The following DAB1 variants were observed in gnomAD, a reference collection of about 807,000 sequenced individuals.
The protein encoded by DAB1 is disabled homolog 1.
Under a neutral mutation model 64.6 loss-of-function variants are expected in DAB1, and 15 were observed. That is an observed-to-expected ratio of 0.23 (90% CI 0.16 to 0.36). The LOEUF is 0.36. Ranked by LOEUF, DAB1 falls within the 10% of genes least tolerant of loss-of-function variation. The pLI is 1.00. For synonymous variants in DAB1, 235 were observed against 251.9 expected (o/e 0.93, Z 0.64); for missense variants, 596 against 706.7 (o/e 0.84, Z 1.78).
At chr1:58,390,322 G>A (rs909680688) in intron 3 of DAB1, among the ~76,000 whole-genome samples, 1 of 151,904 alleles carries the variant, frequency 6.6e-6, no homozygotes, top group African/African-American at 2.4e-5. Context: ...CTTATTACCA[G>A]GATCATGTCC....
At chr1:58,294,856 G>C (rs866135786) in intron 4 of DAB1, among the ~76,000 whole-genome samples, 12 of 137,744 alleles carry the variant, frequency 8.7e-5, no homozygotes, top group African/African-American at 3.0e-4. Flanking sequence ...TGGCATGCTT[G>C]GTCCAGAACG....
At chr1:57,724,308 GAGGGAGGGAGGA>G (rs1012736790) in intron 6 of DAB1, among the ~76,000 whole-genome samples, 9 of 137,454 alleles carry the variant, frequency 6.5e-5, no homozygotes, top group African/African-American at 2.5e-4. Context: ...GGAAGGGAGG[GAGGGAGGGAGGA>G]AGGAAGGAAG....
chr1:57,333,373 C>T (rs755167130), intron 1 of DAB1, among the ~76,000 whole-genome samples: 1 of 152,236 alleles, frequency 6.6e-6, no homozygotes, highest in East Asian at 1.9e-4. Flanking sequence ...GCATCCTCAT[C>T]TCCGACAGGA....
At chr1:57,375,298 C>T (rs572142662) in intron 1 of DAB1, among the ~76,000 whole-genome samples, 1 of 152,204 alleles carries the variant, frequency 6.6e-6, no homozygotes, top group Non-Finnish European at 1.5e-5. Context: ...CACAACAATC[C>T]CAAGTCAGAG....
chr1:58,196,719 T>A (rs71511468), intron 4 of DAB1, among the ~76,000 whole-genome samples: 3 of 152,144 alleles, frequency 2.0e-5, no homozygotes, highest in Non-Finnish European at 4.4e-5. Context: ...AACTGCCACT[T>A]ATAAACCATC....
intron 1 of DAB1, among the ~76,000 whole-genome samples, chr1:57,343,693 C>A (rs995312459): frequency 6.7e-6 from 1 of 149,778 alleles, no homozygotes; most frequent in Admixed American, 6.6e-5. Flanking sequence ...GCCGGCCGGC[C>A]GCTCCAAGTG....
At chr1:57,530,988 A>C (rs2101415317) in intron 7 of DAB1, among the ~76,000 whole-genome samples, 1 of 152,228 alleles carries the variant, frequency 6.6e-6, no homozygotes, top group African/African-American at 2.4e-5. Flanking sequence ...GTCACTCCAA[A>C]CCCAGTCAGT....
At position 57,198,279 on chromosome 1, in the gene DAB1, G is replaced by A. The variant is rs143439702; in HGVS notation, c.68-52850C>T. ...ATCACCCACGCTGTGACAGAGTAAGGCATGCAGGCTTAAAGGAATGGTGCT... is the reference window on the plus strand; with the variant it reads ...ATCACCCACGCTGTGACAGAGTAAGACATGCAGGCTTAAAGGAATGGTGCT... On this transcript the variant is annotated intron_variant, in intron 2 of 14. Transcript: ENST00000371236. Among the ~76,000 whole-genome samples the A allele has an allele frequency of 5.3e-5, 8 of 152,068 alleles. No individual in the cohort carries two copies. In the East Asian group the frequency reaches 1.6e-3, roughly 30 times the overall value.
chr1:57,575,731 C>A, intron 7 of DAB1, among the ~76,000 whole-genome samples: 1 of 152,102 alleles, frequency 6.6e-6, no homozygotes, highest in East Asian at 1.9e-4. Flanking sequence ...ATGTTTATTT[C>A]CTTAGCCAGG....
chr1:58,097,372 T>A (rs963688129), intron 5 of DAB1, among the ~76,000 whole-genome samples: 1 of 152,190 alleles, frequency 6.6e-6, no homozygotes, highest in Non-Finnish European at 1.5e-5. Flanking sequence ...GGAGCTTCCA[T>A]CTAATGGGAA....
At chr1:57,463,782 C>G (rs1016257334) in intron 7 of DAB1, among the ~76,000 whole-genome samples, 5 of 152,028 alleles carry the variant, frequency 3.3e-5, no homozygotes, top group African/African-American at 9.7e-5. Flanking sequence ...TTCATTCATT[C>G]ATGAAACATT....
chr1:57,195,234 G>A (rs1239975054), intron 2 of DAB1, among the ~76,000 whole-genome samples: 1 of 152,028 alleles, frequency 6.6e-6, no homozygotes, highest in Non-Finnish European at 1.5e-5. Flanking sequence ...GATCCACTGG[G>A]CTAACACAGC....
chr1:57,952,944 T>TC (rs1645309507), intron 5 of DAB1, among the ~76,000 whole-genome samples: 1 of 152,190 alleles, frequency 6.6e-6, no homozygotes, highest in Admixed American at 6.5e-5. Flanking sequence ...TAATCACTTT[T>TC]CCCTATTGTT....
intron 7 of DAB1, among the ~76,000 whole-genome samples, chr1:57,638,782 T>G (rs1166192585): frequency 6.6e-6 from 1 of 151,062 alleles, no homozygotes; most frequent in African/African-American, 2.5e-5. Flanking sequence ...ATGGAAAGAG[T>G]TGGATCTTTT....
intron 9 of DAB1, among the ~76,000 whole-genome samples, chr1:57,054,809 G>A (rs1252574551): frequency 1.3e-5 from 2 of 152,134 alleles, no homozygotes; most frequent in Non-Finnish European, 2.9e-5. Flanking sequence ...TCACAAAAAA[G>A]TCAAGATATC....
intron 7 of DAB1, among the ~76,000 whole-genome samples, chr1:57,571,183 G>T (rs886329299): frequency 6.6e-6 from 1 of 152,112 alleles, no homozygotes; most frequent in Non-Finnish European, 1.5e-5. Flanking sequence ...TACTGATTTG[G>T]GTGCCCTTTA....
At chr1:58,025,698 A>G (rs1447827974) in intron 5 of DAB1, among the ~76,000 whole-genome samples, 1 of 139,276 alleles carries the variant, frequency 7.2e-6, no homozygotes, top group Non-Finnish European at 1.5e-5. Context: ...GCCTTTAATC[A>G]TAAATTTAGA....
In DAB1 at chr1:58,332,423, G is replaced by T. The variant is rs539382169; in HGVS notation, n.309+10929C>A. ...GAATACCTTGGAGATGTTGGAGTTT[G>T]GTTTCAGACCACTGCAATAAAGCAA... On this transcript the variant is annotated intron_variant and non_coding_transcript_variant, in intron 4 of 20. Transcript: ENST00000485760. 6.6e-5 allele frequency among the ~76,000 whole-genome samples: 10 copies of T among 152,238 alleles called. No individual in the cohort carries two copies. In the East Asian group the frequency reaches 1.7e-3, roughly 26 times the overall value.
At chr1:57,803,170 G>T (rs1169068194) in intron 6 of DAB1, among the ~76,000 whole-genome samples, 1 of 152,202 alleles carries the variant, frequency 6.6e-6, no homozygotes, top group Non-Finnish European at 1.5e-5. Context: ...GGAGATTGAG[G>T]AGGGTTCAAA....
Sources: allele counts gnomAD v4.1 joint callset (sites outside exome capture counted in the v4.1 genomes callset), GRCh38; gene constraint gnomAD v4.1.1; transcripts MANE v1.5; gene names NCBI Gene and HGNC (gene_info 2026-07-23, HGNC 2026-07-21).